The following INSC variants were observed in gnomAD, a reference collection of about 807,000 sequenced individuals.
INSC encodes INSC spindle orientation adaptor protein.
In INSC, 67 loss-of-function variants were observed where a neutral mutation model predicts 58.6. That is an observed-to-expected ratio of 1.14 (90% confidence interval 0.94 to 1.40). The LOEUF is 1.40. Among genes scored for constraint, INSC ranks in the 40% most tolerant of loss-of-function variants. INSC has a pLI of 0.00. For missense variants in INSC, 714 were observed against 692.0 expected, an observed-to-expected ratio of 1.03 and a Z score of -0.36; for synonymous variants, 262 against 276.1, an observed-to-expected ratio of 0.95 and a Z score of 0.51.
chr11:15,156,272 C>T (rs1358361701), intron 2 of INSC, among the ~76,000 whole-genome samples: 1 of 152,196 alleles, frequency 6.6e-6, no homozygotes, highest in Non-Finnish European at 1.5e-5. Flanking sequence ...ACTCCATCGT[C>T]TTTATATGAT....
intron 5 of INSC, among the ~76,000 whole-genome samples, chr11:15,187,861 T>C (rs952992638): frequency 2.0e-5 from 3 of 152,220 alleles, no homozygotes; most frequent in African/African-American, 7.2e-5. Flanking sequence ...CAATGTCTTC[T>C]TGATTTCCTG....
the INSC span, among the ~76,000 whole-genome samples, chr11:15,262,452 A>G: frequency 1.1e-3 from 173 of 152,220 alleles, 4 homozygotes; most frequent in South Asian, 7.9e-3. Flanking sequence ...TCCGAAGAGA[A>G]GCCCCCAGCA....
intron 2 of INSC, among the ~76,000 whole-genome samples, chr11:15,167,980 C>T (rs1849260456): frequency 6.6e-6 from 1 of 152,176 alleles, no homozygotes; most frequent in Admixed American, 6.5e-5. Context: ...TAGGCAGGGT[C>T]AGGGGCTCAC....
intron 11 of INSC, among the ~76,000 whole-genome samples, chr11:15,239,757 A>G (rs1247125402): frequency 1.3e-5 from 2 of 152,196 alleles, no homozygotes; most frequent in African/African-American, 4.8e-5. Context: ...GCTCATGTTT[A>G]TCTGGGTGAG....
rs1849554546 is a variant in INSC at position 15,175,884 on chromosome 11, G to A, written c.200G>A (p.Gly67Asp). The change falls in exon 3 of 13, where the codon GGC becomes GAC. Residue 67 changes from glycine to aspartate, a missense_variant. Gly to Asp is a moderately conservative substitution (Grantham distance 94). Transcript: ENST00000379556. ...CAGGGTGACCTCATCCTGGCAGGTG[G>A]CCCTGGCCCTGGAGACCCCCTGCAG... ...DAQGDLILAG[G>D]PGPGDPLQLL... The A allele has an allele frequency of 6.2e-7, 1 of 1,614,080 alleles. No homozygotes were observed. Among genetic ancestry groups the A allele is most frequent in the African/African-American group, 1.3e-5 (1 of 75,058 alleles).
chr11:15,205,593 G>A (rs1383713404), intron 7 of INSC, among the ~76,000 whole-genome samples: 1 of 152,202 alleles, frequency 6.6e-6, no homozygotes, highest in Admixed American at 6.5e-5. Flanking sequence ...GGTCTGGTGG[G>A]GAAGGGAGGG....
chr11:15,122,011 C>A (rs114658243), intron 1 of INSC, among the ~76,000 whole-genome samples: 1 of 151,996 alleles, frequency 6.6e-6, no homozygotes, highest in Non-Finnish European at 1.5e-5. Context: ...TCTGAAGAGC[C>A]CTGGATCCTT....
intron 6 of INSC, among the ~76,000 whole-genome samples, chr11:15,191,733 T>C (rs1313053697): frequency 6.6e-6 from 1 of 152,216 alleles, no homozygotes; most frequent in Non-Finnish European, 1.5e-5. Flanking sequence ...TCTACAAACA[T>C]GACCTTCACC....
chr11:15,241,119 TAATC>T (rs1305617725), intron 12 of INSC, among the ~76,000 whole-genome samples: 3 of 152,180 alleles, frequency 2.0e-5, no homozygotes, highest in South Asian at 4.1e-4. Context: ...CACCATGAAA[TAATC>T]AATAGTACCA....
chr11:15,209,972 C>T (rs1334613546), intron 7 of INSC, among the ~76,000 whole-genome samples: 2 of 152,148 alleles, frequency 1.3e-5, no homozygotes, highest in Non-Finnish European at 2.9e-5. Flanking sequence ...ACCACTTAGC[C>T]CTGGCAATTT....
chr11:15,157,056 T>C (rs1176016022), intron 2 of INSC, among the ~76,000 whole-genome samples: 1 of 152,128 alleles, frequency 6.6e-6, no homozygotes, highest in Non-Finnish European at 1.5e-5. Flanking sequence ...GTCCCCTCAT[T>C]CCAGATGTTC....
At chr11:15,219,595 G>A (rs555620564) in intron 7 of INSC, among the ~76,000 whole-genome samples, 2 of 152,294 alleles carry the variant, frequency 1.3e-5, no homozygotes, top group Admixed American at 1.3e-4. Flanking sequence ...TCTCTGGTGT[G>A]TTCAGATTGG....
At chr11:15,223,457 C>T (rs1175097095) in intron 8 of INSC, among the ~76,000 whole-genome samples, 6 of 152,208 alleles carry the variant, frequency 3.9e-5, no homozygotes, top group African/African-American at 1.4e-4. Flanking sequence ...AACTTCTTGC[C>T]ATTCCCTGGA....
intron 1 of INSC, among the ~76,000 whole-genome samples, chr11:15,126,941 G>A (rs1009877368): frequency 6.6e-6 from 1 of 152,288 alleles, no homozygotes; most frequent in Non-Finnish European, 1.5e-5. Context: ...TTATGTATTC[G>A]TGAGGCTTGG....
chr11:15,189,391 ATTTAT>A (rs1263516429), intron 5 of INSC, among the ~76,000 whole-genome samples: 1 of 12,344 alleles, frequency 8.1e-5, no homozygotes, highest in Non-Finnish European at 2.7e-4. Flanking sequence ...TTATTTATTT[ATTTAT>A]TTATTTATTT....
At chr11:15,183,362 A>G (rs905371687) in intron 5 of INSC, among the ~76,000 whole-genome samples, 2 of 151,824 alleles carry the variant, frequency 1.3e-5, no homozygotes, top group African/African-American at 4.8e-5. Context: ...AAAAAAAAAA[A>G]AAAAAAAACC....
chr11:15,200,728 A>G (rs1850549602), intron 6 of INSC, 96 bp from the exon 7 acceptor site: 7 of 1,564,022 alleles, frequency 4.5e-6, no homozygotes, highest in Middle Eastern at 1.7e-4. Flanking sequence ...GAGGACCCGA[A>G]AGCATATCTG....
Position 15,182,350 on chromosome 11 carries a change from G to C in INSC, c.579+3903G>C, listed in dbSNP as rs543992716. ...CTGAGACTGTCTTGGTTGCAGCCTTGGTAGGATGTCAGTCAGTTTATTTCA... is the reference window on the plus strand; with the variant it reads ...CTGAGACTGTCTTGGTTGCAGCCTTCGTAGGATGTCAGTCAGTTTATTTCA... On this transcript the variant is annotated intron_variant, in intron 5 of 12. Transcript: ENST00000379556. Among the ~76,000 whole-genome samples the C allele has an allele frequency of 4.5e-4, 69 of 152,070 alleles. 2 individuals are homozygous for C. In the South Asian group the frequency reaches 0.014, roughly 30 times the overall value.
intron 6 of INSC, among the ~76,000 whole-genome samples, chr11:15,197,090 A>G (rs538533590): frequency 3.3e-5 from 5 of 152,334 alleles, no homozygotes; most frequent in African/African-American, 1.2e-4. Flanking sequence ...TTGATATGTC[A>G]TAATTATAAT....
Sources: gnomAD v4.1 joint callset for allele counts (sites outside exome capture counted in the v4.1 genomes callset) on GRCh38, gnomAD v4.1.1 for gene constraint, MANE v1.5 for transcripts, NCBI Gene and HGNC (gene_info 2026-07-23, HGNC 2026-07-21) for gene names.